The following PPARG variants were observed in gnomAD, a reference collection of about 807,000 sequenced individuals.
PPARG encodes peroxisome proliferator-activated receptor gamma.
Under a neutral mutation model 39.2 loss-of-function variants are expected in PPARG, and 17 were observed. The observed-to-expected ratio is 0.43, with a 90% CI of 0.30 to 0.65. The LOEUF is 0.65. Among genes scored for constraint, PPARG ranks in the 30% least tolerant of loss-of-function variants. PPARG has a pLI of 0.13. For synonymous variants in PPARG, 223 were observed against 215.7 expected, an observed-to-expected ratio of 1.03 and a Z score of -0.30; for missense variants, 406 against 585.9, an observed-to-expected ratio of 0.69 and a Z score of 3.17.
chr3:12,294,565 A>G (rs2046729569), intron 1 of PPARG, among the ~76,000 whole-genome samples: 1 of 152,202 alleles, frequency 6.6e-6, no homozygotes, highest in Non-Finnish European at 1.5e-5. Flanking sequence ...AGTATAAATA[A>G]TGCTTAATCC....
chr3:12,344,460 A>G (rs1322212729), intron 2 of PPARG, among the ~76,000 whole-genome samples: 1 of 152,196 alleles, frequency 6.6e-6, no homozygotes, highest in East Asian at 1.9e-4. Context: ...AAATAAACAT[A>G]AAATATACTC....
At chr3:12,301,393 A>G (rs2046922834) in intron 1 of PPARG, 1 of 152,250 alleles carries the variant, frequency 6.6e-6, no homozygotes, top group Non-Finnish European at 1.5e-5. Context: ...TACATATTAG[A>G]TAAAACACTA....
chr3:12,381,372 C>G lies in PPARG; in HGVS notation c.271C>G (p.Gln91Glu), dbSNP rs1296488686. 3.7e-6 allele frequency: 6 copies of G among 1,613,270 alleles called. No individual in the cohort carries two copies. The highest frequency in any genetic ancestry group is 5.1e-6 in the Non-Finnish European group (6 of 1,179,708). The stretch of plus-strand genomic sequence containing the variant: ...TCCACCTTATTATTCTGAGAAGACT[C>G]AGCTCTACAATAAGCCTCATGAAGA... ...ASPPYYSEKT[Q>E]LYNKPHEEPS... Residue 91 changes from glutamine (Q) to glutamate (E), a missense_variant, in exon 4 of 8, where the codon CAG (glutamine) becomes GAG (glutamate). Physicochemically the swap from Gln to Glu is conservative, Grantham distance 29. Transcript: ENST00000651735.
At chr3:12,339,020 G>A (rs190205075) in intron 2 of PPARG, among the ~76,000 whole-genome samples, 37 of 152,174 alleles carry the variant, frequency 2.4e-4, no homozygotes, top group South Asian at 1.0e-3. Context: ...CTCAGAAATC[G>A]GAAACAATCT....
At position 12,388,243 on chromosome 3, in the gene PPARG, A is replaced by G. The variant is rs193238253; in HGVS notation, c.391-4371A>G. 1.7e-4 allele frequency among the ~76,000 whole-genome samples: 26 copies of G among 152,328 alleles called. No homozygotes were observed. The South Asian group carries it at 3.5e-3, about 21-fold the overall frequency. On this transcript the variant is annotated intron_variant, in intron 4 of 7. Coordinates refer to ENST00000651735, the MANE Select transcript of PPARG (RefSeq NM_138711.6). ...GACTTCAACTGCCAGCAAATTCTAC[A>G]TCGGGCATATTCTTTAAGACATTGC...
chr3:12,373,237 A>G (rs2049284638), intron 2 of PPARG, among the ~76,000 whole-genome samples: 1 of 152,116 alleles, frequency 6.6e-6, no homozygotes, highest in Non-Finnish European at 1.5e-5. Context: ...CCCAGTAACT[A>G]TGGTCCATGG....
At chr3:12,393,879 A>G (rs949867143) in intron 5 of PPARG, among the ~76,000 whole-genome samples, 4 of 152,140 alleles carry the variant, frequency 2.6e-5, no homozygotes, top group Non-Finnish European at 5.9e-5. Flanking sequence ...ATAGTTCACA[A>G]AATTCTATCT....
chr3:12,298,324 A>AAAAAG (rs764771478), intron 1 of PPARG, among the ~76,000 whole-genome samples: 1 of 134,728 alleles, frequency 7.4e-6, no homozygotes, highest in African/African-American at 2.6e-5. Flanking sequence ...AAAAAAAAAA[A>AAAAAG]AAAGAAATGT....
intron 2 of PPARG, among the ~76,000 whole-genome samples, chr3:12,346,760 A>C (rs1209358326): frequency 6.6e-6 from 1 of 151,730 alleles, no homozygotes; most frequent in East Asian, 2.0e-4. Context: ...TCAGCCTCTC[A>C]AGTAGCTGAC....
At chr3:12,353,846 T>C (rs567739352) in intron 2 of PPARG, among the ~76,000 whole-genome samples, 1 of 152,274 alleles carries the variant, frequency 6.6e-6, no homozygotes, top group East Asian at 1.9e-4. Context: ...TAGTAAAAAT[T>C]GGCAAGATTG....
At chr3:12,384,349 G>T (rs2049796320) in intron 4 of PPARG, among the ~76,000 whole-genome samples, 2 of 152,072 alleles carry the variant, frequency 1.3e-5, no homozygotes, top group Non-Finnish European at 2.9e-5. Context: ...TGCTTCGGCT[G>T]GGGTTTTTAT....
chr3:12,392,019 C>T (rs1465889742), intron 4 of PPARG, among the ~76,000 whole-genome samples: 2 of 152,094 alleles, frequency 1.3e-5, no homozygotes, highest in Admixed American at 6.6e-5. Context: ...CTGATTACTT[C>T]TCATGTTATT....
At chr3:12,354,681 A>G (rs1449984462) in intron 2 of PPARG, among the ~76,000 whole-genome samples, 1 of 149,906 alleles carries the variant, frequency 6.7e-6, no homozygotes, top group Admixed American at 6.7e-5. Context: ...TGAACCCAGG[A>G]GGCAGAGGTT....
At chr3:12,349,592 G>T (rs1452289038) in intron 2 of PPARG, among the ~76,000 whole-genome samples, 3 of 152,112 alleles carry the variant, frequency 2.0e-5, no homozygotes, top group Admixed American at 6.6e-5. Flanking sequence ...TGACACATCC[G>T]TCTTGTTCAT....
At chr3:12,365,783 C>T (rs1056447709) in intron 2 of PPARG, among the ~76,000 whole-genome samples, 12 of 151,990 alleles carry the variant, frequency 7.9e-5, no homozygotes, top group African/African-American at 1.9e-4. Context: ...TTGCCAGTAC[C>T]GTACTATCTT....
intron 5 of PPARG, among the ~76,000 whole-genome samples, chr3:12,397,014 A>G (rs1369405680): frequency 1.3e-5 from 2 of 152,176 alleles, no homozygotes; most frequent in Non-Finnish European, 2.9e-5. Context: ...AAAATAATCT[A>G]GAGAAGAATT....
intron 2 of PPARG, among the ~76,000 whole-genome samples, chr3:12,356,117 TA>T (rs1401935488): frequency 1.3e-5 from 2 of 152,242 alleles, no homozygotes; most frequent in Admixed American, 1.3e-4. Context: ...GGTTGTCCAG[TA>T]AATGCTTCAT....
intron 4 of PPARG, among the ~76,000 whole-genome samples, chr3:12,389,154 G>A (rs1422293622): frequency 6.6e-6 from 1 of 152,090 alleles, no homozygotes; most frequent in Non-Finnish European, 1.5e-5. Flanking sequence ...AGTGAGAAAT[G>A]TTTGTTTTTA....
chr3:12,371,886 T>C (rs1471695393), intron 2 of PPARG: 3 of 703,932 alleles, frequency 4.3e-6, no homozygotes, highest in Non-Finnish European at 7.9e-6. Flanking sequence ...GATGTCGCTG[T>C]CATGATGGGA....
Sources: allele counts gnomAD v4.1 joint callset (sites outside exome capture counted in the v4.1 genomes callset), GRCh38; gene constraint gnomAD v4.1.1; transcripts MANE v1.5; gene names NCBI Gene and HGNC (gene_info 2026-07-23, HGNC 2026-07-21).